The following ZMYM4 variants were observed in gnomAD, a reference collection of about 807,000 sequenced individuals.
ZMYM4 encodes the protein zinc finger MYM-type protein 4.
A neutral mutation model predicts 183.2 loss-of-function variants in ZMYM4; 31 were observed. The ratio of observed to expected loss-of-function variants is 0.17; its 90% CI spans 0.13 to 0.23. The LOEUF (loss-of-function observed/expected upper bound fraction) is 0.23, where lower values mean the gene tolerates loss of function less well. Ranked by LOEUF, ZMYM4 falls within the 10% of genes least tolerant of loss-of-function variation. The probability of loss-of-function intolerance (pLI) is 1.00; values close to 1 mark genes in which losing one functional copy is unlikely to be tolerated. For synonymous variants in ZMYM4, 592 were observed against 631.2 expected, an observed-to-expected ratio of 0.94 and a Z score of 0.93; for missense variants, 1,273 against 1,840.3, an observed-to-expected ratio of 0.69 and a Z score of 5.64.
At chr1:35,397,816 A>T (rs190507580) in intron 20 of ZMYM4, among the ~76,000 whole-genome samples, 1 of 152,160 alleles carries the variant, frequency 6.6e-6, no homozygotes, top group Non-Finnish European at 1.5e-5. Flanking sequence ...TTCCAATTCC[A>T]TCTCTGTAAT....
chr1:35,311,614 A>AT (rs1333356366), intron 1 of ZMYM4, among the ~76,000 whole-genome samples: 1 of 151,894 alleles, frequency 6.6e-6, no homozygotes, highest in East Asian at 1.9e-4. Context: ...CAAAAAAAAA[A>AT]GTCACTTCAA....
intron 9 of ZMYM4, among the ~76,000 whole-genome samples, chr1:35,384,844 T>TTC (rs1553178238): frequency 2.1e-4 from 30 of 143,088 alleles, no homozygotes; most frequent in African/African-American, 7.4e-4. Flanking sequence ...TCTTTTTCTT[T>TTC]TTTTTTTTTT....
At chr1:35,304,969 C>T (rs943788077) in intron 1 of ZMYM4, among the ~76,000 whole-genome samples, 2 of 152,140 alleles carry the variant, frequency 1.3e-5, no homozygotes, top group African/African-American at 4.8e-5. Context: ...CCTCAGCCTC[C>T]TAAGTAGGTG....
At chr1:35,399,455 T>C (rs1644864247) in intron 22 of ZMYM4, 27 bp from the exon 23 acceptor site, 1 of 1,600,820 alleles carries the variant, frequency 6.2e-7, no homozygotes, top group South Asian at 1.1e-5. Flanking sequence ...ATTTACCTCA[T>C]GTTGTCCTTT....
At chr1:35,325,430 A>G (rs555499629) in intron 2 of ZMYM4, 25 bp downstream of exon 2, 2 of 1,595,228 alleles carry the variant, frequency 1.3e-6, no homozygotes, top group African/African-American at 1.3e-5. Context: ...AGAAAAAACA[A>G]TCATGTCTTT....
chr1:35,342,429 G>A (rs1643235444), intron 2 of ZMYM4, among the ~76,000 whole-genome samples: 1 of 152,044 alleles, frequency 6.6e-6, no homozygotes, highest in Admixed American at 6.6e-5. Context: ...CCAAAGTTCT[G>A]GGATTACACT....
chr1:35,412,960 T>C (rs77212813), intron 26 of ZMYM4, among the ~76,000 whole-genome samples: 2,693 of 152,218 alleles, frequency 0.018, 87 homozygotes, highest in African/African-American at 0.06. Flanking sequence ...CAAAATACTT[T>C]TATCACGTAA....
intron 1 of ZMYM4, among the ~76,000 whole-genome samples, chr1:35,293,699 C>T (rs1361447829): frequency 6.6e-6 from 1 of 151,984 alleles, no homozygotes; most frequent in Non-Finnish European, 1.5e-5. Flanking sequence ...AGGTTTAGCG[C>T]ACATGAAATA....
intron 7 of ZMYM4, among the ~76,000 whole-genome samples, chr1:35,372,863 A>C (rs926704355): frequency 6.6e-6 from 1 of 152,194 alleles, no homozygotes; most frequent in African/African-American, 2.4e-5. Flanking sequence ...TGTTCTTTAA[A>C]ATATGATGTT....
At chr1:35,293,995 C>T (rs189844206) in intron 1 of ZMYM4, among the ~76,000 whole-genome samples, 11 of 152,080 alleles carry the variant, frequency 7.2e-5, no homozygotes, top group Non-Finnish European at 8.8e-5. Flanking sequence ...ATTAGCTGGG[C>T]GTGGTGGCAC....
chr1:35,353,017 C>T (rs1379286284), intron 2 of ZMYM4, among the ~76,000 whole-genome samples: 1 of 152,198 alleles, frequency 6.6e-6, no homozygotes, highest in Non-Finnish European at 1.5e-5. Context: ...AATCTACCAT[C>T]CCAAAACCAA....
chr1:35,344,061 CTT>C (rs566474547), intron 2 of ZMYM4, among the ~76,000 whole-genome samples: 2 of 142,080 alleles, frequency 1.4e-5, no homozygotes, highest in African/African-American at 2.6e-5. Flanking sequence ...TTCTTTTTTC[CTT>C]TTTTTTTTTT....
chr1:35,350,797 G>T, intron 2 of ZMYM4: 2 of 501,790 alleles, frequency 4.0e-6, no homozygotes, highest in South Asian at 4.2e-5. Flanking sequence ...ATGACGAGAG[G>T]GTAAAACTGA....
chr1:35,418,710 A>G (rs1640219296), intron 29 of ZMYM4, 138 bp downstream of exon 29: 1 of 1,051,768 alleles, frequency 9.5e-7, no homozygotes, highest in Admixed American at 2.6e-5. Context: ...CCCCATTGTC[A>G]TATCTATGTG....
At chr1:35,292,772 T>C (rs2148720784) in intron 1 of ZMYM4, among the ~76,000 whole-genome samples, 1 of 152,198 alleles carries the variant, frequency 6.6e-6, no homozygotes, top group African/African-American at 2.4e-5. Flanking sequence ...AGTGCTGGGA[T>C]TACAGGCGTG....
chr1:35,385,580 G>A lies in ZMYM4; in HGVS notation c.1708G>A (p.Val570Ile). The A allele has an allele frequency of 1.2e-6, 2 of 1,601,562 alleles. No homozygotes were observed. Among genetic ancestry groups the A allele is most frequent in the Non-Finnish European group, 1.7e-6 (2 of 1,176,402 alleles). The change falls in exon 10 of 30, where the codon GTT becomes ATT. Residue 570 changes from valine (V) to isoleucine (I), a missense_variant. Transcript: ENST00000314607. ...CTTATCTGCTTACAGAGTTAAAATG[G>A]TTACTTCTGCAGGTAATATTGGTTT... Reference protein sequence around the residue: ...NCLSAYRVKMVTSAGVQVQCN... With the variant: ...NCLSAYRVKMITSAGVQVQCN...
intron 1 of ZMYM4, among the ~76,000 whole-genome samples, chr1:35,313,466 G>T (rs1641897156): frequency 6.9e-6 from 1 of 144,132 alleles, no homozygotes; most frequent in Admixed American, 7.2e-5. Flanking sequence ...TCAGCCCACT[G>T]CAACGTCCAC....
chr1:35,307,037 A>ATTTTTT, intron 1 of ZMYM4, among the ~76,000 whole-genome samples: 1 of 152,326 alleles, frequency 6.6e-6, no homozygotes, highest in African/African-American at 2.4e-5. Context: ...GTAGTAGGCA[A>ATTTTTT]ATATGCAATA....
Position 35,420,139 on chromosome 1 carries a change from G to A in ZMYM4, c.*462G>A. Reference sequence around the variant, plus strand: ...AGAGTGACATCAAATGAGGACTGTGGGACCCAGATTTGAAGACCCAATAAA... The same window carrying A: ...AGAGTGACATCAAATGAGGACTGTGAGACCCAGATTTGAAGACCCAATAAA... On this transcript the variant is annotated 3_prime_UTR_variant, in exon 30 of 30. Transcript: ENST00000314607. The A allele has an allele frequency of 6.3e-6, 1 of 157,830 alleles. No individual in the cohort carries two copies. Among genetic ancestry groups the A allele is most frequent in the Non-Finnish European group, 1.4e-5 (1 of 70,812 alleles). 9.8% of individuals were successfully genotyped at this position (157,830 alleles called of 1,614,324 possible).
Sources: gnomAD v4.1 joint callset for allele counts (sites outside exome capture counted in the v4.1 genomes callset) on GRCh38, gnomAD v4.1.1 for gene constraint, MANE v1.5 for transcripts, NCBI Gene and HGNC (gene_info 2026-07-23, HGNC 2026-07-21) for gene names.